The following ARMH3 variants were observed in gnomAD, a reference collection of about 807,000 sequenced individuals.
ARMH3 encodes the protein armadillo like helical domain containing 3.
In ARMH3, 60 loss-of-function variants were observed where a neutral mutation model predicts 99.1. That is an observed-to-expected ratio of 0.61 (90% CI 0.49 to 0.75). ARMH3 has a LOEUF of 0.75. Ranked by LOEUF, ARMH3 falls within the 30% of genes least tolerant of loss-of-function variation. The probability of loss-of-function intolerance (pLI) is 0.00; values close to 1 mark genes in which losing one functional copy is unlikely to be tolerated. For synonymous variants in ARMH3, 285 were observed against 292.8 expected, an observed-to-expected ratio of 0.97 and a Z score of 0.27; for missense variants, 679 against 843.1, an observed-to-expected ratio of 0.81 and a Z score of 2.41.
In ARMH3 at chr10:102,014,063, T is replaced by C. The variant is rs779977289; in HGVS notation, c.670-39A>G. 7.2e-6 allele frequency: 11 copies of C among 1,523,176 alleles called. No individual in the cohort carries two copies. In the Admixed American group the frequency reaches 1.2e-4, roughly 16 times the overall value. 94.4% of individuals were successfully genotyped at this position (1,523,176 alleles called of 1,614,324 possible). A position where few individuals can be genotyped will look rare whatever the true frequency, so the allele number is the denominator to read the frequency against. The stretch of plus-strand genomic sequence containing the variant: ...GAAGAGACTCCAGGTAAGTCTGACC[T>C]AGTTAAGAAAGCCCGTTAGCTATCT... On this transcript the variant is annotated intron_variant, in intron 8 of 25. Coordinates refer to ENST00000370033, the MANE Select transcript of ARMH3 (RefSeq NM_024541.3).
At chr10:101,988,400 A>C (rs957094030) in intron 19 of ARMH3, among the ~76,000 whole-genome samples, 3 of 152,202 alleles carry the variant, frequency 2.0e-5, no homozygotes, top group Non-Finnish European at 4.4e-5. Context: ...TCTGAACCCT[A>C]AGATAATGAA....
chr10:101,853,467 G>A (rs1488663420), intron 24 of ARMH3, among the ~76,000 whole-genome samples: 1 of 152,148 alleles, frequency 6.6e-6, no homozygotes, highest in Non-Finnish European at 1.5e-5. Context: ...GACATGGTGA[G>A]GGCCACACTT....
chr10:101,982,548 T>C (rs919364548), intron 19 of ARMH3, among the ~76,000 whole-genome samples: 2 of 152,150 alleles, frequency 1.3e-5, no homozygotes, highest in Non-Finnish European at 2.9e-5. Flanking sequence ...CGAGTACTGG[T>C]TAGAAACCAG....
intron 24 of ARMH3, among the ~76,000 whole-genome samples, chr10:101,881,512 C>T (rs776087324): frequency 6.6e-6 from 1 of 152,114 alleles, no homozygotes; most frequent in Non-Finnish European, 1.5e-5. Context: ...CTATACCATA[C>T]ACTTAACATG....
chr10:101,998,946 T>C (rs1330120063), intron 15 of ARMH3, among the ~76,000 whole-genome samples: 1 of 152,208 alleles, frequency 6.6e-6, no homozygotes, highest in Non-Finnish European at 1.5e-5. Context: ...TTTAGGAATC[T>C]GAAGTTCATC....
Position 101,847,206 on chromosome 10 carries a change from C to T in ARMH3, c.*322G>A, listed in dbSNP as rs2066483198. ...CCCTGAGGCTTGCCTCACCAGCTCC[C>T]GAAAATTAGTCAGTAGCTACAGCTT... is the stretch of plus-strand genomic sequence containing the variant. On this transcript the variant is annotated 3_prime_UTR_variant, in exon 26 of 26. Coordinates refer to ENST00000370033, the MANE Select transcript of ARMH3 (RefSeq NM_024541.3). The T allele has an allele frequency of 7.5e-6, 2 of 268,070 alleles. No homozygotes were observed. Among genetic ancestry groups the T allele is most frequent in the South Asian group, 4.8e-5 (1 of 20,816 alleles). The allele number at this position is 268,070 out of a possible 1,614,324, so 16.6% of individuals were successfully genotyped here.
At position 102,040,881 on chromosome 10, in the gene ARMH3, C is replaced by T. The variant is rs550955199; in HGVS notation, c.-11-756G>A. 2.0e-5 allele frequency among the ~76,000 whole-genome samples: 3 copies of T among 151,920 alleles called. No individual in the cohort carries two copies. The East Asian group carries it at 5.8e-4, about 29-fold the overall frequency. On this transcript the variant is annotated intron_variant, in intron 1 of 25. Coordinates refer to ENST00000370033, the MANE Select transcript of ARMH3 (RefSeq NM_024541.3). ...AGACTGATGTGCTTCATTGATTTCC[C>T]CAAAGTAAGTAGGTCCTCGTCACTG...
chr10:101,918,124 G>A (rs1251284892), intron 23 of ARMH3, among the ~76,000 whole-genome samples: 1 of 152,014 alleles, frequency 6.6e-6, no homozygotes, highest in Non-Finnish European at 1.5e-5. Flanking sequence ...TCTTGGCTCG[G>A]CTGACTGCAA....
At chr10:101,897,281 T>C (rs1235730934) in intron 23 of ARMH3, among the ~76,000 whole-genome samples, 1 of 152,226 alleles carries the variant, frequency 6.6e-6, no homozygotes, top group Non-Finnish European at 1.5e-5. Flanking sequence ...AGACAGCAGG[T>C]ACCAAATTTA....
At chr10:101,993,325 T>C (rs959946294) in intron 17 of ARMH3, among the ~76,000 whole-genome samples, 1 of 150,430 alleles carries the variant, frequency 6.6e-6, no homozygotes, top group African/African-American at 2.4e-5. Context: ...ATTGCCACGC[T>C]TGTGAATCTT....
At chr10:102,048,825 A>G (rs1175420459) in intron 1 of ARMH3, among the ~76,000 whole-genome samples, 1 of 152,168 alleles carries the variant, frequency 6.6e-6, no homozygotes, top group East Asian at 1.9e-4. Flanking sequence ...TTCTCTAGAT[A>G]CAGGGTTTTT....
At chr10:102,004,411 G>A (rs893711066) in intron 14 of ARMH3, among the ~76,000 whole-genome samples, 1 of 152,118 alleles carries the variant, frequency 6.6e-6, no homozygotes, top group African/African-American at 2.4e-5. Flanking sequence ...TTGATCTTTG[G>A]CTTCATAATT....
At chr10:102,012,782 C>A (rs781395236) in intron 10 of ARMH3, 51 bp downstream of exon 10, 1 of 1,535,444 alleles carries the variant, frequency 6.5e-7, no homozygotes, top group Non-Finnish European at 8.9e-7. Flanking sequence ...ACTCTAACAA[C>A]CAATTCAAAT....
At chr10:102,041,112 T>G (rs954774233) in intron 1 of ARMH3, among the ~76,000 whole-genome samples, 1 of 136,936 alleles carries the variant, frequency 7.3e-6, no homozygotes, top group Non-Finnish European at 1.6e-5. Context: ...TATATATATA[T>G]GTAGGTAAAA....
At chr10:101,914,487 C>CAA (rs60601721) in intron 23 of ARMH3, among the ~76,000 whole-genome samples, 1,423 of 104,080 alleles carry the variant, frequency 0.014, 32 homozygotes, top group African/African-American at 0.046. Flanking sequence ...GACTCTGTCT[C>CAA]AAAAAAAAAA....
At chr10:101,894,291 T>C (rs573632375) in intron 23 of ARMH3, among the ~76,000 whole-genome samples, 4 of 152,218 alleles carry the variant, frequency 2.6e-5, no homozygotes, top group Non-Finnish European at 5.9e-5. Flanking sequence ...TCCAGGCTCT[T>C]AGAAAGGAAT....
At chr10:102,019,800 C>G (rs2066837341) in intron 8 of ARMH3, among the ~76,000 whole-genome samples, 3 of 151,624 alleles carry the variant, frequency 2.0e-5, no homozygotes, top group South Asian at 4.2e-4. Flanking sequence ...TGGTGGCAGG[C>G]ACTTGTAATC....
Position 101,926,896 on chromosome 10 carries a change from G to A in ARMH3, c.1781+12967C>T, listed in dbSNP as rs948490264. Among the ~76,000 whole-genome samples, 8 of 152,244 alleles carry A rather than the reference G, an allele frequency of 5.3e-5. No homozygotes were observed. The East Asian group carries it at 5.8e-4, about 11-fold the overall frequency. ...CCCATCTCCAGAGAGCCAGAGGCTC[G>A]GGAGAGCTGGCCGGGAAAGAACAAA... On this transcript the variant is annotated intron_variant, in intron 23 of 25. Transcript: ENST00000370033.
At chr10:101,930,325 A>C (rs1438116344) in intron 23 of ARMH3, among the ~76,000 whole-genome samples, 1 of 152,092 alleles carries the variant, frequency 6.6e-6, no homozygotes, top group African/African-American at 2.4e-5. Context: ...CAACCTGATA[A>C]AGAGTATCTA....
Sources: gnomAD v4.1 joint callset for allele counts (sites outside exome capture counted in the v4.1 genomes callset) on GRCh38, gnomAD v4.1.1 for gene constraint, MANE v1.5 for transcripts, NCBI Gene and HGNC (gene_info 2026-07-23, HGNC 2026-07-21) for gene names.